The following DLG1 variants were observed in gnomAD, a reference collection of about 807,000 sequenced individuals.
DLG1 encodes disks large homolog 1.
In DLG1, 42 loss-of-function variants were observed where a neutral mutation model predicts 123.4. The ratio of observed to expected loss-of-function variants is 0.34; its 90% confidence interval spans 0.27 to 0.44. The LOEUF is 0.44. Ranked by LOEUF, DLG1 falls within the 20% of genes least tolerant of loss-of-function variation. The pLI is 1.00. For synonymous variants in DLG1, 317 were observed against 356.2 expected (o/e 0.89, Z 1.24); for missense variants, 942 against 1,082.6 (o/e 0.87, Z 1.82).
At chr3:197,161,500 A>T in intron 5 of DLG1, 1 of 473,242 alleles carries the variant, frequency 2.1e-6, no homozygotes, top group Non-Finnish European at 3.7e-6. Flanking sequence ...CCAAATGTTT[A>T]AGTCCCTAAA....
intron 21 of DLG1, 80 bp from the exon 22 acceptor site, chr3:197,065,528 T>C (rs980387257): frequency 9.5e-5 from 122 of 1,288,840 alleles, no homozygotes; most frequent in Middle Eastern, 2.0e-4. Flanking sequence ...TTACATCGTT[T>C]TGTAAAGTTC....
intron 5 of DLG1, among the ~76,000 whole-genome samples, chr3:197,193,004 T>C (rs1384220998): frequency 2.0e-5 from 3 of 152,066 alleles, no homozygotes; most frequent in Admixed American, 2.0e-4. Flanking sequence ...AAAAATAGCC[T>C]AGCAAAATTA....
chr3:197,055,199 G>A (rs905488507), intron 23 of DLG1, among the ~76,000 whole-genome samples: 8 of 152,058 alleles, frequency 5.3e-5, no homozygotes, highest in Admixed American at 2.0e-4. Flanking sequence ...TGATCCTCTC[G>A]TCTCAGCCTT....
intron 4 of DLG1, among the ~76,000 whole-genome samples, chr3:197,266,988 G>A (rs780215069): frequency 6.6e-6 from 1 of 152,070 alleles, no homozygotes; most frequent in Admixed American, 6.6e-5. Context: ...CACAAGAAAG[G>A]TAAAGAAAAC....
At chr3:197,047,405 A>T (rs1724082187) in intron 24 of DLG1, among the ~76,000 whole-genome samples, 1 of 152,210 alleles carries the variant, frequency 6.6e-6, no homozygotes, top group South Asian at 2.1e-4. Context: ...GTCTGAAATT[A>T]GTTTGAAAAA....
At chr3:197,250,365 C>T (rs1408948976) in intron 4 of DLG1, among the ~76,000 whole-genome samples, 3 of 151,936 alleles carry the variant, frequency 2.0e-5, no homozygotes, top group South Asian at 2.1e-4. Flanking sequence ...GTCAGGAGTT[C>T]GAGACCAGCC....
intron 4 of DLG1, among the ~76,000 whole-genome samples, chr3:197,236,037 G>C (rs1056189432): frequency 6.6e-6 from 1 of 152,156 alleles, no homozygotes; most frequent in African/African-American, 2.4e-5. Context: ...AGGCAGGCTA[G>C]TCATGGTGGC....
In DLG1 at chr3:197,043,981, CGTT is replaced by C. The variant is rs1484223823; in HGVS notation, c.*639_*641del. On this transcript the variant is annotated 3_prime_UTR_variant, in exon 25 of 25. Coordinates refer to ENST00000667157, the MANE Select transcript of DLG1 (RefSeq NM_001366207.1). Reference sequence around the variant, plus strand: ...CTCAAGTAGATTAAAAACATTGAAACGTTGTTATTCCTAGCAAATGTCCTGGGA... The same window carrying C: ...CTCAAGTAGATTAAAAACATTGAAACGTTATTCCTAGCAAATGTCCTGGGA... 6 of 152,106 alleles carry C rather than the reference CGTT, an allele frequency of 3.9e-5. No individual in the cohort carries two copies. Among genetic ancestry groups the C allele is most frequent in the African/African-American group, 1.2e-4 (5 of 41,508 alleles). 9.4% of individuals were successfully genotyped at this position (152,106 alleles called of 1,614,324 possible). A position where few individuals can be genotyped will look rare whatever the true frequency, so the allele number is the denominator to read the frequency against.
At position 197,098,552 on chromosome 3, in the gene DLG1, C is replaced by T. The variant is rs987995075; in HGVS notation, c.1546+6351G>A. 2.6e-5 allele frequency among the ~76,000 whole-genome samples: 4 copies of T among 152,094 alleles called. No individual in the cohort carries two copies. In the South Asian group the frequency reaches 8.3e-4, roughly 32 times the overall value. On this transcript the variant is annotated intron_variant, in intron 14 of 24. Coordinates refer to ENST00000667157, the MANE Select transcript of DLG1 (RefSeq NM_001366207.1). ...ATAGTCTTTGCTTAGAGTCTTCCCA[C>T]CCGCCCCCACCTCGCTCTGTTGCTC...
Position 197,136,615 on chromosome 3 carries a change from T to C in DLG1, c.947A>G (p.Tyr316Cys), listed in dbSNP as rs748424022. The change falls in exon 10 of 25, where the codon TAT becomes TGT. Residue 316 changes from tyrosine (Y) to cysteine (C), a missense_variant. Transcript: ENST00000667157. ...ACCTCCTTCAATTATTTTGGTTACA[T>C]AGATGCTATTATCCCCAGGAATATG... ...NQHIPGDNSIYVTKIIEGGAA... is the reference protein window; with the variant it reads ...NQHIPGDNSICVTKIIEGGAA... 10 of 1,613,560 alleles carry C rather than the reference T, an allele frequency of 6.2e-6. No homozygotes were observed. Among genetic ancestry groups the C allele is most frequent in the Non-Finnish European group, 6.8e-6 (8 of 1,179,692 alleles).
Position 197,091,499 on chromosome 3 carries a change from C to T in DLG1, c.1547-473G>A, listed in dbSNP as rs187475668. Among the ~76,000 whole-genome samples the T allele has an allele frequency of 4.2e-3, 643 of 151,940 alleles. 1 individual carries two copies. Among genetic ancestry groups the T allele is most frequent in the South Asian group, 0.022 (107 of 4,818 alleles). On this transcript the variant is annotated intron_variant, in intron 14 of 24. Coordinates refer to ENST00000667157, the MANE Select transcript of DLG1 (RefSeq NM_001366207.1). ...CAATATGGAACTTGTGCAGGGTCAA[C>T]ATTAAAGGGAAAAATATGCCTTAAA...
At chr3:197,185,979 C>G (rs1715714226) in intron 5 of DLG1, among the ~76,000 whole-genome samples, 1 of 152,172 alleles carries the variant, frequency 6.6e-6, no homozygotes, top group Non-Finnish European at 1.5e-5. Context: ...CTAAAGTTGA[C>G]AGATCACTGC....
intron 6 of DLG1, among the ~76,000 whole-genome samples, chr3:197,147,424 T>C (rs1259090679): frequency 7.8e-6 from 1 of 127,782 alleles, no homozygotes; most frequent in Non-Finnish European, 1.6e-5. Flanking sequence ...ATAAAAAATA[T>C]ATGGTGTGCA....
chr3:197,075,006 A>T (rs911932056), intron 18 of DLG1, among the ~76,000 whole-genome samples: 1 of 152,080 alleles, frequency 6.6e-6, no homozygotes, highest in African/African-American at 2.4e-5. Flanking sequence ...AGATTAAAAG[A>T]TTACTTCTAT....
chr3:197,270,990 G>T (rs889071449), intron 4 of DLG1, among the ~76,000 whole-genome samples: 5 of 152,246 alleles, frequency 3.3e-5, no homozygotes, highest in African/African-American at 1.2e-4. Context: ...CTTCAAAAAG[G>T]TAATGTCATT....
chr3:197,050,811 TA>T (rs1402524348), intron 24 of DLG1, among the ~76,000 whole-genome samples: 1 of 152,190 alleles, frequency 6.6e-6, no homozygotes, highest in Non-Finnish European at 1.5e-5. Flanking sequence ...CACAAAATGG[TA>T]ACTGTGTGGT....
chr3:197,288,480 G>A (rs1401278670), intron 3 of DLG1, among the ~76,000 whole-genome samples: 1 of 150,978 alleles, frequency 6.6e-6, no homozygotes, highest in African/African-American at 2.4e-5. Flanking sequence ...CCAGCACTTC[G>A]AGAGGCTGAG....
At chr3:197,197,755 A>G (rs1237604074) in intron 4 of DLG1, among the ~76,000 whole-genome samples, 1 of 152,246 alleles carries the variant, frequency 6.6e-6, no homozygotes, top group East Asian at 1.9e-4. Context: ...AACTTACTAC[A>G]AAGCTACATT....
chr3:197,191,284 T>A (rs1267049809), intron 5 of DLG1, among the ~76,000 whole-genome samples: 1 of 152,194 alleles, frequency 6.6e-6, no homozygotes, highest in Admixed American at 6.5e-5. Flanking sequence ...TTAGGTTTAA[T>A]CCCTAAGACA....
Sources: gnomAD v4.1 joint callset for allele counts (sites outside exome capture counted in the v4.1 genomes callset) on GRCh38, gnomAD v4.1.1 for gene constraint, MANE v1.5 for transcripts, NCBI Gene and HGNC (gene_info 2026-07-23, HGNC 2026-07-21) for gene names.